Variants in UTP6 observed in about 807,000 individuals in gnomAD.
UTP6 encodes the protein U3 small nucleolar RNA-associated protein 6 homolog.
UTP6 carries 60 observed loss-of-function variants against 96.5 expected under a neutral mutation model. That is an observed-to-expected ratio of 0.62 (90% CI 0.51 to 0.77). The LOEUF (loss-of-function observed/expected upper bound fraction) is 0.77. Ranked by LOEUF, UTP6 falls within the 30% of genes least tolerant of loss-of-function variation. The pLI is 0.00. For synonymous variants in UTP6, 215 were observed against 240.1 expected (o/e 0.90, Z 0.96); for missense variants, 637 against 706.5 (o/e 0.90, Z 1.12).
rs760575975 is a variant in UTP6, at chr17:31,878,250, C to A, written c.1125G>T (p.Leu375Phe). 4 of 1,613,888 alleles carry A rather than the reference C, an allele frequency of 2.5e-6. No homozygotes were observed. The highest frequency in any genetic ancestry group is 2.2e-5 in the South Asian group (2 of 91,066). The stretch of plus-strand genomic sequence containing the variant: ...CAGAATATTTTCTCTATGTTCTTAC[C>A]AACTGCTTGTATTGGCATTCTGACA... ...KLLSECQYKQ[L>F]SVSLLCYNFL... Residue 375 changes from leucine (L) to phenylalanine (F), a missense_variant and splice_region_variant, in exon 13 of 19, where the codon TTG becomes TTT. Leu to Phe is a conservative substitution (Grantham distance 22, BLOSUM62 0). Coordinates refer to ENST00000261708, the MANE Select transcript of UTP6 (RefSeq NM_018428.3).
Position 31,901,703 on chromosome 17 carries a change from G to A in UTP6, c.-76C>T. ...GCAGGAAGCTCCCGGTTTCAGGTTC[G>A]GAGACCCAGCCCTACCACCGACGCG... On this transcript the variant is annotated 5_prime_UTR_variant, in exon 1 of 19. Coordinates refer to ENST00000261708, the MANE Select transcript of UTP6 (RefSeq NM_018428.3). 1 of 1,447,246 alleles carries A rather than the reference G, an allele frequency of 6.9e-7. No homozygotes were observed. The allele number at this position is 1,447,246 out of a possible 1,614,324, so 89.7% of individuals were successfully genotyped here.
At position 31,862,388 on chromosome 17, in the gene UTP6, G is replaced by T. The variant is rs1490480971; in HGVS notation, c.*971C>A. ...TTACGAATTCATTAAATGTTTTTAA[G>T]GCTATTTAATGACACAGAAAAACAA... On this transcript the variant is annotated 3_prime_UTR_variant, in exon 19 of 19. Transcript: ENST00000261708. The T allele has an allele frequency of 1.3e-5, 2 of 152,038 alleles. No individual in the cohort carries two copies. Among genetic ancestry groups the T allele is most frequent in the Non-Finnish European group, 2.9e-5 (2 of 68,014 alleles). The allele number at this position is 152,038 out of a possible 1,614,324, so 9.4% of individuals were successfully genotyped here.
At chr17:31,900,511 C>G (rs1329176060) in intron 1 of UTP6, among the ~76,000 whole-genome samples, 2 of 152,058 alleles carry the variant, frequency 1.3e-5, no homozygotes, top group African/African-American at 2.4e-5. Flanking sequence ...AGGCTGGTCT[C>G]GAACTCCTGA....
chr17:31,886,175 TCTCTCTCTCC>T, intron 8 of UTP6, 114 bp from the exon 9 acceptor site: 1 of 805,652 alleles, frequency 1.2e-6, no homozygotes, highest in African/African-American at 1.7e-5. Flanking sequence ...GTAAATCATG[TCTCTCTCTCC>T]GGGCCAGTTC....
At chr17:31,881,108 A>G (rs991423871) in intron 10 of UTP6, among the ~76,000 whole-genome samples, 1 of 151,810 alleles carries the variant, frequency 6.6e-6, no homozygotes, top group Non-Finnish European at 1.5e-5. Flanking sequence ...CCCAGGAGGC[A>G]GAAGTTGCAG....
chr17:31,873,577 A>C lies in UTP6; in HGVS notation c.1387-90T>G. On this transcript the variant is annotated intron_variant, in intron 15 of 18. Transcript: ENST00000261708. ...TCCCAGAACCACCTGAGGCCACTCC[A>C]TAGTGCTTTAGGCGCACCTGCAACA... 15 of 1,602,732 alleles carry C rather than the reference A, an allele frequency of 9.4e-6. No individual in the cohort carries two copies. The South Asian group carries it at 1.7e-4, about 18-fold the overall frequency.
chr17:31,877,972 A>T (rs1910596025), intron 13 of UTP6, among the ~76,000 whole-genome samples: 1 of 152,054 alleles, frequency 6.6e-6, no homozygotes, highest in African/African-American at 2.4e-5. Flanking sequence ...GTCTCAAAAA[A>T]AAAAAAAAAA....
rs563377161 is a variant in UTP6 at position 31,900,763 on chromosome 17, CAG to C, written c.92+771_92+772del. On this transcript the variant is annotated intron_variant, in intron 1 of 18. Coordinates refer to ENST00000261708, the MANE Select transcript of UTP6 (RefSeq NM_018428.3). Reference sequence around the variant, plus strand: ...TACGAAGGACTTACGGGAGAAGATTCAGAGTCCTTAGCTAAGGAATGAACATA... The same window carrying C: ...TACGAAGGACTTACGGGAGAAGATTCAGTCCTTAGCTAAGGAATGAACATA... Among the ~76,000 whole-genome samples, 61 of 152,288 alleles carry C rather than the reference CAG, an allele frequency of 4.0e-4. 1 individual carries two copies. The East Asian group carries it at 0.011, about 27-fold the overall frequency.
intron 17 of UTP6, among the ~76,000 whole-genome samples, chr17:31,867,314 G>A (rs1228621414): frequency 1.3e-5 from 2 of 151,730 alleles, no homozygotes; most frequent in African/African-American, 4.8e-5. Flanking sequence ...TTGAGACCAG[G>A]CTGGCCAACA....
At chr17:31,867,306 GA>G (rs1486628980) in intron 17 of UTP6, among the ~76,000 whole-genome samples, 1 of 152,094 alleles carries the variant, frequency 6.6e-6, no homozygotes. Flanking sequence ...TCAGGAGTTT[GA>G]GACCAGGCTG....
rs751261814 is a variant in UTP6 at position 31,875,376 on chromosome 17, G to A, written c.1163C>T (p.Ala388Val). The A allele has an allele frequency of 6.2e-7, 1 of 1,614,162 alleles. No individual in the cohort carries two copies. The highest frequency in any genetic ancestry group is 8.5e-7 in the Non-Finnish European group (1 of 1,180,040). ...SLLCYNFLRE[A>V]LEVAVAGTEL... ...AGTTCCAGCTACTGCCACTTCCAGAGCTTCCCTCAGGAAGTTATAACACAG... is the reference window on the plus strand; with the variant it reads ...AGTTCCAGCTACTGCCACTTCCAGAACTTCCCTCAGGAAGTTATAACACAG... Residue 388 changes from alanine (A) to valine (V), a missense_variant, in exon 14 of 19, where the codon GCT (alanine) becomes GTT (valine). Physicochemically the swap from Ala to Val is moderately conservative, Grantham distance 64. Coordinates refer to ENST00000261708, the MANE Select transcript of UTP6 (RefSeq NM_018428.3).
At chr17:31,886,876 G>A (rs577351047) in intron 8 of UTP6, among the ~76,000 whole-genome samples, 1 of 152,170 alleles carries the variant, frequency 6.6e-6, no homozygotes, top group South Asian at 2.1e-4. Flanking sequence ...CAGCGTTAAA[G>A]AATAGTATTT....
chr17:31,867,981 G>A, intron 17 of UTP6, 65 bp downstream of exon 17: 1 of 1,533,118 alleles, frequency 6.5e-7, no homozygotes, highest in Non-Finnish European at 8.9e-7. Context: ...ACAAAAAACA[G>A]TCTGATAGAT....
intron 2 of UTP6, 135 bp downstream of exon 2, chr17:31,899,511 G>T: frequency 2.0e-6 from 1 of 509,154 alleles, no homozygotes; most frequent in Non-Finnish European, 3.2e-6. Context: ...GCTTGAGCCT[G>T]GAGGGCAGAG....
In UTP6 at chr17:31,880,528, G is replaced by C. The variant is rs768270364; in HGVS notation, c.967+45C>G. 1.9e-5 allele frequency: 31 copies of C among 1,611,766 alleles called. No individual in the cohort carries two copies. In the East Asian group the frequency reaches 5.8e-4, roughly 30 times the overall value. ...ACAGGAGCTTAAGTTTCACAATCAG[G>C]GATACTATTCCTTCTATATCACACC... On this transcript the variant is annotated intron_variant, in intron 11 of 18. Transcript: ENST00000261708.
chr17:31,898,638 C>T (rs1904793507), intron 2 of UTP6, among the ~76,000 whole-genome samples: 2 of 151,954 alleles, frequency 1.3e-5, no homozygotes, highest in South Asian at 2.1e-4. Flanking sequence ...GCGGAGGTTG[C>T]GGTGAGCGTG....
intron 13 of UTP6, 78 bp downstream of exon 13, chr17:31,878,172 T>G (rs774333923): frequency 2.0e-4 from 292 of 1,461,742 alleles, no homozygotes; most frequent in Non-Finnish European, 2.6e-4. Flanking sequence ...CTATATATAT[T>G]TAAAACATGA....
intron 8 of UTP6, among the ~76,000 whole-genome samples, chr17:31,886,910 T>G (rs183367792): frequency 3.6e-4 from 55 of 152,326 alleles, no homozygotes; most frequent in Non-Finnish European, 1.8e-4. Flanking sequence ...GTAACAATTT[T>G]GAGAACCACA....
In UTP6 at chr17:31,863,006, C is replaced by A; in HGVS notation, c.*353G>T. On this transcript the variant is annotated 3_prime_UTR_variant, in exon 19 of 19. Coordinates refer to ENST00000261708, the MANE Select transcript of UTP6 (RefSeq NM_018428.3). ...GAAACATTTAGGACCTGTGGAAGAT[C>A]GGGCCTCAACATTAAATCAGCAATT... is the stretch of plus-strand genomic sequence containing the variant. 5.3e-6 allele frequency: 1 copy of A among 187,770 alleles called. No individual in the cohort carries two copies. Among genetic ancestry groups the A allele is most frequent in the South Asian group, 1.3e-4 (1 of 7,754 alleles). 11.6% of individuals were successfully genotyped at this position (187,770 alleles called of 1,614,324 possible).
Sources: gnomAD v4.1 joint callset for allele counts (sites outside exome capture counted in the v4.1 genomes callset) on GRCh38, gnomAD v4.1.1 for gene constraint, MANE v1.5 for transcripts, NCBI Gene and HGNC (gene_info 2026-07-23, HGNC 2026-07-21) for gene names.